The following CADPS variants were observed in gnomAD, a reference collection of about 807,000 sequenced individuals.
CADPS encodes the protein calcium-dependent secretion activator 1.
CADPS carries 57 observed loss-of-function variants against 167.3 expected under a neutral mutation model. The ratio of observed to expected loss-of-function variants is 0.34; its 90% CI spans 0.28 to 0.42. The LOEUF is 0.42. Among genes scored for constraint, CADPS ranks in the 20% least tolerant of loss-of-function variants. CADPS has a pLI of 1.00. For missense variants in CADPS, 1,414 were observed against 1,738.1 expected, an observed-to-expected ratio of 0.81 and a Z score of 3.32; for synonymous variants, 676 against 635.3, an observed-to-expected ratio of 1.06 and a Z score of -0.96.
chr3:62,498,609 A>C (rs1044823390), intron 18 of CADPS, among the ~76,000 whole-genome samples: 1 of 152,162 alleles, frequency 6.6e-6, no homozygotes, highest in African/African-American at 2.4e-5. Context: ...TCTTAAAAAA[A>C]GTAAGCTATA....
chr3:62,679,361 GGATGCTGGTCCAGAGA>G (rs906809244), intron 3 of CADPS, among the ~76,000 whole-genome samples: 1 of 151,976 alleles, frequency 6.6e-6, no homozygotes, highest in South Asian at 2.1e-4. Flanking sequence ...TCCTAGAGGT[GGATGCTGGTCCAGAGA>G]GATGCTGGTC....
intron 3 of CADPS, among the ~76,000 whole-genome samples, chr3:62,717,430 G>C (rs1047566168): frequency 6.6e-6 from 1 of 152,048 alleles, no homozygotes; most frequent in Non-Finnish European, 1.5e-5. Flanking sequence ...AAATATCAAA[G>C]ATAACTTGCA....
intron 3 of CADPS, among the ~76,000 whole-genome samples, chr3:62,664,904 A>G (rs1046548800): frequency 6.6e-6 from 1 of 151,380 alleles, no homozygotes; most frequent in Non-Finnish European, 1.5e-5. Context: ...ATTAAGCTTA[A>G]TTTATTCTTT....
chr3:62,581,363 T>C (rs1365306295), intron 8 of CADPS, among the ~76,000 whole-genome samples: 9 of 150,902 alleles, frequency 6.0e-5, no homozygotes. Flanking sequence ...TTATGTCTTT[T>C]CACAAGAAAA....
chr3:62,589,760 C>G (rs996296339), intron 7 of CADPS, among the ~76,000 whole-genome samples: 1 of 152,162 alleles, frequency 6.6e-6, no homozygotes, highest in Admixed American at 6.5e-5. Flanking sequence ...AGCAAGTTTT[C>G]TCATCTATAA....
intron 3 of CADPS, among the ~76,000 whole-genome samples, chr3:62,707,216 C>T (rs1175148526): frequency 1.3e-5 from 2 of 152,038 alleles, no homozygotes; most frequent in Admixed American, 1.3e-4. Flanking sequence ...GGAGCGCGAA[C>T]CCTATTGTGA....
chr3:62,628,294 T>C (rs947071542), intron 6 of CADPS, among the ~76,000 whole-genome samples: 3 of 152,192 alleles, frequency 2.0e-5, no homozygotes, highest in Non-Finnish European at 4.4e-5. Flanking sequence ...TGAAATTCTT[T>C]GTACATGTTA....
At chr3:62,520,369 CAA>C (rs1174977482) in intron 13 of CADPS, among the ~76,000 whole-genome samples, 1 of 152,144 alleles carries the variant, frequency 6.6e-6, no homozygotes, top group African/African-American at 2.4e-5. Context: ...ACAAACCTAA[CAA>C]TGGATTATGT....
chr3:62,529,409 T>G (rs539269801), intron 13 of CADPS, among the ~76,000 whole-genome samples: 27 of 152,278 alleles, frequency 1.8e-4, no homozygotes, highest in African/African-American at 4.6e-4. Flanking sequence ...TGGATGTTGA[T>G]CCTTCCAAAA....
rs543793228 is a variant in CADPS at position 62,421,643 on chromosome 3, C to T, written c.3777+16461G>A. On this transcript the variant is annotated intron_variant, in intron 28 of 29. Coordinates refer to ENST00000383710, the MANE Select transcript of CADPS (RefSeq NM_003716.4). This position sits in a 1 kb window ranked among gnomAD's most constrained non-coding sequence, Gnocchi z 4.7. ...GGCTTCGTTCCCCCACCCCTCCTGA[C>T]GCTTCCCCCTTTTCCCCCCAAAGGA... is the stretch of plus-strand genomic sequence containing the variant. Among the ~76,000 whole-genome samples, 10 of 152,204 alleles carry T rather than the reference C, an allele frequency of 6.6e-5. No homozygotes were observed. Among genetic ancestry groups the T allele is most frequent in the Non-Finnish European group, 1.0e-4 (7 of 68,034 alleles).
At chr3:62,763,528 G>A (rs569547497) in intron 2 of CADPS, among the ~76,000 whole-genome samples, 1 of 152,088 alleles carries the variant, frequency 6.6e-6, no homozygotes, top group Non-Finnish European at 1.5e-5. Context: ...CCTAGGTATC[G>A]GTCACTTATA....
At chr3:62,537,083 G>A (rs1456766470) in intron 11 of CADPS, among the ~76,000 whole-genome samples, 3 of 152,076 alleles carry the variant, frequency 2.0e-5, no homozygotes, top group East Asian at 1.9e-4. Context: ...AATCCCCATT[G>A]CCAATTTGGT....
At chr3:62,786,961 T>C (rs2092498056) in intron 1 of CADPS, among the ~76,000 whole-genome samples, 1 of 152,122 alleles carries the variant, frequency 6.6e-6, no homozygotes, top group Admixed American at 6.6e-5. Context: ...CTAAGGATAT[T>C]TCTGAGGCAT....
Position 62,478,244 on chromosome 3 carries a change from C to A in CADPS, c.3329+17G>T. 6.2e-7 allele frequency: 1 copy of A among 1,613,140 alleles called. No individual in the cohort carries two copies. Reference sequence around the variant, plus strand: ...GTGGGGAGGGTGTGCAGAACCTGTCCAGCCACCTATACTTACCTTTTGACA... The same window carrying A: ...GTGGGGAGGGTGTGCAGAACCTGTCAAGCCACCTATACTTACCTTTTGACA... On this transcript the variant is annotated intron_variant, in intron 23 of 29. Transcript: ENST00000383710. This position sits in a 1 kb window ranked among gnomAD's most constrained non-coding sequence, Gnocchi z 5.7.
At position 62,737,217 on chromosome 3, in the gene CADPS, G is replaced by C. The variant is rs542457347; in HGVS notation, c.888+16224C>G. Among the ~76,000 whole-genome samples, 3 of 152,184 alleles carry C rather than the reference G, an allele frequency of 2.0e-5. No homozygotes were observed. The South Asian group carries it at 6.2e-4, about 32-fold the overall frequency. On this transcript the variant is annotated intron_variant, in intron 3 of 29. Transcript: ENST00000383710. ...GTAAATCAGTCATACAGGAAGCCAA[G>C]GTGGGAAGATCACTTGAGGCCAGGA...
At chr3:62,682,822 G>A (rs2077366966) in intron 3 of CADPS, among the ~76,000 whole-genome samples, 1 of 152,038 alleles carries the variant, frequency 6.6e-6, no homozygotes, top group Non-Finnish European at 1.5e-5. Context: ...ATAATCTAGG[G>A]AGGAATGCAA....
At chr3:62,690,375 G>A (rs931357121) in intron 3 of CADPS, among the ~76,000 whole-genome samples, 1 of 151,988 alleles carries the variant, frequency 6.6e-6, no homozygotes, top group Admixed American at 6.6e-5. Context: ...GGAAAATACA[G>A]TTGACTTTTC....
At chr3:62,413,586 C>T (rs987944642) in intron 28 of CADPS, among the ~76,000 whole-genome samples, 2 of 152,010 alleles carry the variant, frequency 1.3e-5, no homozygotes, top group African/African-American at 4.8e-5. Context: ...GAAAGTAGAA[C>T]AGTGTTACCA....
At chr3:62,629,757 G>GTTTTTTTTTTTTTTTTTTTTTTTTTTT (rs55956118) in intron 6 of CADPS, among the ~76,000 whole-genome samples, 6 of 145,752 alleles carry the variant, frequency 4.1e-5, no homozygotes, top group Non-Finnish European at 4.6e-5. Flanking sequence ...CTCTGGTACA[G>GTTTTTTTTTTTTTTTTTTTTTTTTTTT]TTTTTTTTTT....
Sources: allele counts gnomAD v4.1 joint callset (sites outside exome capture counted in the v4.1 genomes callset), GRCh38; gene constraint gnomAD v4.1.1; non-coding constraint Gnocchi (gnomAD v3.1); transcripts MANE v1.5; gene names NCBI Gene and HGNC (gene_info 2026-07-23, HGNC 2026-07-21).